Variants in NUDT17 observed in about 807,000 individuals in gnomAD.
NUDT17 encodes nudix hydrolase 17.
Under a neutral mutation model 38.6 loss-of-function variants are expected in NUDT17, and 38 were observed. The observed-to-expected ratio is 0.98, with a 90% CI of 0.76 to 1.29. The LOEUF is 1.29. Ranked by LOEUF, NUDT17 falls within the 50% of genes most tolerant of loss-of-function variation. NUDT17 has a pLI of 0.00. For synonymous variants in NUDT17, 192 were observed against 167.8 expected (o/e 1.14, Z -1.11); for missense variants, 462 against 415.2 (o/e 1.11, Z -0.98).
At chr1:145,847,775 G>T in intron 6 of NUDT17, 56 bp downstream of exon 6, 1 of 1,573,252 alleles carries the variant, frequency 6.4e-7, no homozygotes, top group Non-Finnish European at 8.7e-7. Flanking sequence ...ATGTTGAGAA[G>T]TTCAGCGTCT....
At chr1:145,846,219 C>T in intron 2 of NUDT17, 23 bp downstream of exon 2, 3 of 1,564,944 alleles carry the variant, frequency 1.9e-6, no homozygotes, top group Non-Finnish European at 2.6e-6. Flanking sequence ...GGGACAAGGC[C>T]CCAAGTACAG....
Position 145,845,681 on chromosome 1 carries a change from CG to C in NUDT17, c.43del (p.Glu15SerfsTer3), listed in dbSNP as rs1652608932. On this transcript the variant is annotated frameshift_variant, in exon 1 of 8. Coordinates refer to ENST00000334513, the MANE Select transcript of NUDT17 (RefSeq NM_001012758.3). LOFTEE classifies it high-confidence loss of function. Reference sequence around the variant, plus strand: ...GTGCAGCTGCTCCTGTCCCGGCGTCCGGAGTCGGTGAGCTTCGCACGGAGTG... The same window carrying C: ...GTGCAGCTGCTCCTGTCCCGGCGTCCGAGTCGGTGAGCTTCGCACGGAGTG... ...VRVQLLLSRR[P>X]ESVSFARSVC... is the part of the protein sequence containing the mutation. The C allele has an allele frequency of 6.5e-7, 1 of 1,536,802 alleles. No individual in the cohort carries two copies. The highest frequency in any genetic ancestry group is 2.0e-5 in the Admixed American group (1 of 50,454).
intron 6 of NUDT17, 57 bp from the exon 7 acceptor site, chr1:145,848,055 A>G (rs1570767918): frequency 1.9e-6 from 3 of 1,601,796 alleles, no homozygotes; most frequent in Non-Finnish European, 2.6e-6. Context: ...CCTAACATAT[A>G]TGTAAGTTCT....
rs1553732089 is a variant in NUDT17, at chr1:145,845,736, G to A, written c.96G>A (p.Gly32=). ...GTGGCCTCCTGGGAGCCGGACCAGG[G>A]CTCGGGACGTGGCCCATTCACTGCA... ...SVCGLLGAGP[G]LGTWPIHCSL... The change falls in exon 1 of 8, where the codon GGG becomes GGA. Residue 32 remains glycine, a synonymous_variant. Coordinates refer to ENST00000334513, the MANE Select transcript of NUDT17 (RefSeq NM_001012758.3). 1 of 1,564,116 alleles carries A rather than the reference G, an allele frequency of 6.4e-7. No individual in the cohort carries two copies. Among genetic ancestry groups the A allele is most frequent in the East Asian group, 2.4e-5 (1 of 42,154 alleles).
Position 145,848,156 on chromosome 1 carries a change from T to A in NUDT17, c.776T>A (p.Leu259Gln), listed in dbSNP as rs1553733113. 6.2e-7 allele frequency: 1 copy of A among 1,614,174 alleles called. No individual in the cohort carries two copies. Among genetic ancestry groups the A allele is most frequent in the Admixed American group, 1.7e-5 (1 of 60,018 alleles). ...EEDGRARPLVLHMSTLLRMIP... is the reference protein window; with the variant it reads ...EEDGRARPLVQHMSTLLRMIP... ...GATGGAAGAGCCCGACCTCTGGTCC[T>A]GCACATGTCCACCCTCCTGCGGATG... Residue 259 changes from leucine to glutamine, a missense_variant, in exon 7 of 8, where the codon CTG becomes CAG. Leu to Gln is a moderately radical substitution (Grantham distance 113). Transcript: ENST00000334513.
rs1652745325 is a variant in NUDT17 at position 145,847,271 on chromosome 1, A to G, written c.517A>G (p.Ser173Gly). The G allele has an allele frequency of 3.7e-6, 6 of 1,608,258 alleles. No homozygotes were observed. Among genetic ancestry groups the G allele is most frequent in the Non-Finnish European group, 5.1e-6 (6 of 1,176,564 alleles). ...LWESAYPPRLSWGLPKYHHIV... is the reference protein window; with the variant it reads ...LWESAYPPRLGWGLPKYHHIV... ...CTAGTCTGCCTACCCTCCTAGGCTG[A>G]GCTGGGGTTTACCCAAATACCATCA... The change falls in exon 5 of 8, where the codon AGC becomes GGC. Residue 173 changes from serine (S) to glycine (G), a missense_variant. By Grantham distance (56) the Ser-to-Gly change is moderately conservative. Coordinates refer to ENST00000334513, the MANE Select transcript of NUDT17 (RefSeq NM_001012758.3).
Position 145,845,663 on chromosome 1 carries a change from T to C in NUDT17, c.23T>C (p.Leu8Pro), listed in dbSNP as rs782606515. 41 of 1,529,740 alleles carry C rather than the reference T, an allele frequency of 2.7e-5. No individual in the cohort carries two copies. The East Asian group carries it at 9.7e-4, about 36-fold the overall frequency. 94.8% of individuals were successfully genotyped at this position (1,529,740 alleles called of 1,614,324 possible). A position where few individuals can be genotyped will look rare whatever the true frequency, so the allele number is the denominator to read the frequency against. ...GTTATGGCCGAGGTGCGGGTGCAGCTGCTCCTGTCCCGGCGTCCGGAGTCG... is the reference window on the plus strand; with the variant it reads ...GTTATGGCCGAGGTGCGGGTGCAGCCGCTCCTGTCCCGGCGTCCGGAGTCG... Reference protein sequence around the residue: MAEVRVQLLLSRRPESVS... With the variant: MAEVRVQPLLSRRPESVS... Residue 8 changes from leucine to proline, a missense_variant, in exon 1 of 8, where the codon CTG becomes CCG. Transcript: ENST00000334513.
At chr1:145,847,213 A>G (rs781981266) in intron 4 of NUDT17, 37 bp from the exon 5 acceptor site, 2 of 1,187,752 alleles carry the variant, frequency 1.7e-6, no homozygotes, top group South Asian at 1.4e-5. Context: ...AAAAAAAGTG[A>G]CGGAAAGTTC....
At position 145,845,741 on chromosome 1, in the gene NUDT17, G is replaced by A; in HGVS notation, c.101G>A (p.Gly34Glu). 6.4e-7 allele frequency: 1 copy of A among 1,567,702 alleles called. No individual in the cohort carries two copies. Among genetic ancestry groups the A allele is most frequent in the Non-Finnish European group, 8.6e-7 (1 of 1,156,604 alleles). The stretch of plus-strand genomic sequence containing the variant: ...CTCCTGGGAGCCGGACCAGGGCTCG[G>A]GACGTGGCCCATTCACTGCAGCTTG... The part of the protein sequence containing the change: ...CGLLGAGPGL[G>E]TWPIHCSLKR... The change falls in exon 1 of 8, where the codon GGG (glycine) becomes GAG (glutamate). Residue 34 changes from glycine (G) to glutamate (E), a missense_variant. Physicochemically the swap from Gly to Glu is moderately conservative, Grantham distance 98. Coordinates refer to ENST00000334513, the MANE Select transcript of NUDT17 (RefSeq NM_001012758.3).
chr1:145,846,387 G>A, intron 2 of NUDT17, 46 bp from the exon 3 acceptor site: 1 of 1,612,604 alleles, frequency 6.2e-7, no homozygotes, highest in Non-Finnish European at 8.5e-7. Context: ...GGGGCTCCCT[G>A]GCCAAGACCA....
At chr1:145,846,734 T>C (rs142636142) in intron 4 of NUDT17, 44 bp downstream of exon 4, 1 of 1,339,026 alleles carries the variant, frequency 7.5e-7, no homozygotes, top group Non-Finnish European at 1.1e-6. Flanking sequence ...GATCAGCCCC[T>C]ACCTGCCTTG....
chr1:145,847,621 T>C lies in NUDT17; in HGVS notation c.633T>C (p.Leu211=). The C allele has an allele frequency of 6.2e-7, 1 of 1,613,892 alleles. No individual in the cohort carries two copies. Among genetic ancestry groups the C allele is most frequent in the Non-Finnish European group, 8.5e-7 (1 of 1,180,006 alleles). The part of the protein sequence containing the change: ...IQPNPNEVSA[L]MWLTPDVAAA... ...CAAACCCAAATGAGGTGAGCGCCCT[T>C]ATGTGGCTGACACCAGATGTAGCTG... Residue 211 remains leucine, a synonymous_variant, in exon 6 of 8, where the codon CTT becomes CTC. Transcript: ENST00000334513.
chr1:145,847,209 A>T, intron 4 of NUDT17, 41 bp from the exon 5 acceptor site: 4 of 1,172,126 alleles, frequency 3.4e-6, no homozygotes, highest in Non-Finnish European at 4.9e-6. Flanking sequence ...AAAAAAAAAA[A>T]GTGACGGAAA....
In NUDT17 at chr1:145,848,534, C is replaced by A; in HGVS notation, c.*55C>A. The stretch of plus-strand genomic sequence containing the variant: ...CATGACACTCACAGAACATTCACAA[C>A]CTTTATTATGGGTGAGAGCTTCACT... On this transcript the variant is annotated 3_prime_UTR_variant, in exon 8 of 8. Coordinates refer to ENST00000334513, the MANE Select transcript of NUDT17 (RefSeq NM_001012758.3). The A allele has an allele frequency of 1.7e-6, 2 of 1,190,448 alleles. No homozygotes were observed. The highest frequency in any genetic ancestry group is 2.5e-6 in the Non-Finnish European group (2 of 809,922). The allele number at this position is 1,190,448 out of a possible 1,614,324, so 73.7% of individuals were successfully genotyped here.
Position 145,847,689 on chromosome 1 carries a change from T to G in NUDT17, c.701T>G (p.Leu234Arg), listed in dbSNP as rs1652775115. 6.2e-7 allele frequency: 1 copy of G among 1,614,088 alleles called. No individual in the cohort carries two copies. The highest frequency in any genetic ancestry group is 8.5e-7 in the Non-Finnish European group (1 of 1,180,006). Residue 234 changes from leucine to arginine, a missense_variant, in exon 6 of 8, where the codon CTT (leucine) becomes CGT (arginine). Transcript: ENST00000334513. ...AAEDGTETPGLLPQDLPPSVL... is the reference protein window; with the variant it reads ...AAEDGTETPGRLPQDLPPSVL... ...GAGGATGGGACAGAGACACCCGGACTTCTCCCCCAGGACCTACCACCCTCT... is the reference window on the plus strand; with the variant it reads ...GAGGATGGGACAGAGACACCCGGACGTCTCCCCCAGGACCTACCACCCTCT...
intron 3 of NUDT17, 57 bp downstream of exon 3, chr1:145,846,515 G>C: frequency 6.2e-7 from 1 of 1,607,714 alleles, no homozygotes; most frequent in Non-Finnish European, 8.5e-7. Context: ...GACCATCTTG[G>C]GTGTGGGCTG....
chr1:145,845,892 C>A, intron 1 of NUDT17, 60 bp downstream of exon 1: 2 of 1,534,078 alleles, frequency 1.3e-6, no homozygotes, highest in Non-Finnish European at 1.8e-6. Context: ...GGACTGAAAT[C>A]GGGTGGGAAC....
rs1553733130 is a variant in NUDT17, at chr1:145,848,172, C to T, written c.792C>T (p.Leu264=). Residue 264 remains leucine, a synonymous_variant, in exon 7 of 8, where the codon CTC becomes CTT. Coordinates refer to ENST00000334513, the MANE Select transcript of NUDT17 (RefSeq NM_001012758.3). ...ARPLVLHMST[L]LRMIPTMAED... is the part of the protein sequence containing the mutation. ...CTCTGGTCCTGCACATGTCCACCCT[C>T]CTGCGGATGATCCCAACCATGGCAG... 2 of 1,614,200 alleles carry T rather than the reference C, an allele frequency of 1.2e-6. No homozygotes were observed. The highest frequency in any genetic ancestry group is 1.3e-5 in the African/African-American group (1 of 75,058).
At position 145,848,426 on chromosome 1, in the gene NUDT17, A is replaced by G. The variant is rs1553733288; in HGVS notation, c.934A>G (p.Lys312Glu). The change falls in exon 8 of 8, where the codon AAG becomes GAG. Residue 312 changes from lysine (K) to glutamate (E), a missense_variant. Coordinates refer to ENST00000334513, the MANE Select transcript of NUDT17 (RefSeq NM_001012758.3). ...SAAYLDPGPA[K>E]EEWNMDPLPP... ...AGCTTACCTGGACCCAGGGCCAGCA[A>G]AGGAAGAATGGAACATGGACCCTCT... is the stretch of plus-strand genomic sequence containing the variant. 15 of 1,614,084 alleles carry G rather than the reference A, an allele frequency of 9.3e-6. No individual in the cohort carries two copies. Among genetic ancestry groups the G allele is most frequent in the Non-Finnish European group, 1.3e-5 (15 of 1,180,050 alleles).
Sources: gnomAD v4.1 joint callset for allele counts on GRCh38, gnomAD v4.1.1 for gene constraint, MANE v1.5 for transcripts, NCBI Gene and HGNC (gene_info 2026-07-23, HGNC 2026-07-21) for gene names.